UBE2E3: variants seen among roughly 807,000 people sequenced by gnomAD.
UBE2E3 encodes the protein ubiquitin-conjugating enzyme E2 E3.
In UBE2E3, 5 loss-of-function variants were observed where a neutral mutation model predicts 23.6. The ratio of observed to expected loss-of-function variants is 0.21; its 90% confidence interval spans 0.11 to 0.44. The LOEUF (loss-of-function observed/expected upper bound fraction) is 0.44, where lower values mean the gene tolerates loss of function less well. UBE2E3 is among the 20% of genes least tolerant of loss of function. The pLI is 0.99. For missense variants in UBE2E3, 81 were observed against 249.8 expected (o/e 0.32, Z 4.55); for synonymous variants, 78 against 87.5 (o/e 0.89, Z 0.60).
At chr2:180,990,663 T>C (rs1684628957) in intron 3 of UBE2E3, among the ~76,000 whole-genome samples, 1 of 152,238 alleles carries the variant, frequency 6.6e-6, no homozygotes, top group African/African-American at 2.4e-5. Context: ...TTTTAGGTCT[T>C]GTGCCAGTTA....
chr2:181,007,798 C>T (rs1488569270), intron 3 of UBE2E3, among the ~76,000 whole-genome samples: 1 of 152,170 alleles, frequency 6.6e-6, no homozygotes, highest in Non-Finnish European at 1.5e-5. Context: ...GGCTTGATAT[C>T]TGCCACATGT....
At chr2:181,029,596 GTTC>G (rs1176427493) in intron 3 of UBE2E3, among the ~76,000 whole-genome samples, 1 of 140,066 alleles carries the variant, frequency 7.1e-6, no homozygotes, top group Non-Finnish European at 1.6e-5. Flanking sequence ...TTGTATAAAT[GTTC>G]TTTTTAATTC....
At chr2:181,023,952 CCTTA>C (rs1685791239) in intron 3 of UBE2E3, among the ~76,000 whole-genome samples, 1 of 152,092 alleles carries the variant, frequency 6.6e-6, no homozygotes, top group Non-Finnish European at 1.5e-5. Context: ...TCTCCCTACT[CCTTA>C]CTGTCACAAG....
At chr2:181,016,973 A>G (rs1057109991) in intron 3 of UBE2E3, among the ~76,000 whole-genome samples, 54 of 152,318 alleles carry the variant, frequency 3.5e-4, no homozygotes, top group African/African-American at 1.3e-3. Flanking sequence ...TGTTCTAAGA[A>G]TTGTGCTTGA....
At chr2:181,034,491 C>T (rs1325032503) in intron 3 of UBE2E3, among the ~76,000 whole-genome samples, 1 of 152,116 alleles carries the variant, frequency 6.6e-6, no homozygotes, top group African/African-American at 2.4e-5. Context: ...AACACTTGGA[C>T]ACAGGAAGGG....
intron 3 of UBE2E3, among the ~76,000 whole-genome samples, chr2:181,021,630 T>TCCTCCCTCTCTCCCTCCC (rs1388065787): frequency 1.8e-5 from 1 of 55,256 alleles, no homozygotes; most frequent in Non-Finnish European, 3.5e-5. Flanking sequence ...CTCCCTCCCT[T>TCCTCCCTCTCTCCCTCCC]TTTTCCTTCC....
At chr2:181,008,493 C>G (rs1430356170) in intron 3 of UBE2E3, among the ~76,000 whole-genome samples, 1 of 152,206 alleles carries the variant, frequency 6.6e-6, no homozygotes, top group African/African-American at 2.4e-5. Flanking sequence ...GTCATAGATG[C>G]TTCGTATGTG....
chr2:181,034,069 A>C (rs981997271), intron 3 of UBE2E3, among the ~76,000 whole-genome samples: 10 of 152,184 alleles, frequency 6.6e-5, no homozygotes, highest in Non-Finnish European at 1.2e-4. Flanking sequence ...ACACTTTTAC[A>C]CTGTTGGTGG....
At chr2:180,984,974 T>C (rs925666695) in intron 3 of UBE2E3, among the ~76,000 whole-genome samples, 1 of 152,106 alleles carries the variant, frequency 6.6e-6, no homozygotes, top group Non-Finnish European at 1.5e-5. Context: ...TTAGGCAGTT[T>C]TATGGTTTGA....
In UBE2E3 at chr2:181,012,218, T is replaced by C. The variant is rs373920291; in HGVS notation, c.245+28125T>C. Among the ~76,000 whole-genome samples the C allele has an allele frequency of 1.6e-4, 25 of 152,310 alleles. No individual in the cohort carries two copies. The South Asian group carries it at 5.2e-3, about 32-fold the overall frequency. On this transcript the variant is annotated intron_variant, in intron 3 of 5. Transcript: ENST00000410062. ...CACTTACTACATTAACAACACTGAT[T>C]AGTTTCAGTAAATGTACATGTATAA...
At chr2:180,994,118 AT>A (rs1246620140) in intron 3 of UBE2E3, among the ~76,000 whole-genome samples, 1 of 152,136 alleles carries the variant, frequency 6.6e-6, no homozygotes, top group East Asian at 1.9e-4. Context: ...TCCTTGTAAA[AT>A]TTTAAAAGAC....
chr2:180,997,209 A>G (rs1684850231), intron 3 of UBE2E3, among the ~76,000 whole-genome samples: 1 of 149,884 alleles, frequency 6.7e-6, no homozygotes, highest in Non-Finnish European at 1.5e-5. Flanking sequence ...ATCTTTTTCT[A>G]CTTATTATCC....
chr2:181,038,864 C>T (rs1686383596), intron 3 of UBE2E3, among the ~76,000 whole-genome samples: 1 of 151,998 alleles, frequency 6.6e-6, no homozygotes, highest in Non-Finnish European at 1.5e-5. Flanking sequence ...AAATTAAAAC[C>T]ACGATGAAAT....
intron 3 of UBE2E3, among the ~76,000 whole-genome samples, chr2:180,989,374 A>T (rs1684584330): frequency 6.6e-6 from 1 of 152,160 alleles, no homozygotes; most frequent in African/African-American, 2.4e-5. Context: ...AAATAAATTG[A>T]AGTCTCTCAA....
intron 3 of UBE2E3, among the ~76,000 whole-genome samples, chr2:181,035,936 AG>A (rs111718501): frequency 0.23 from 35,304 of 152,084 alleles, 4,463 homozygotes; most frequent in Non-Finnish European, 0.28. Context: ...TGAACTCTAT[AG>A]GTATAAAGTA....
At chr2:180,980,440 C>G (rs2105555861), upstream of UBE2E3, 1 of 151,078 alleles carries the variant, frequency 6.6e-6, no homozygotes, top group East Asian at 2.0e-4. The surrounding 1 kb of genome is among the most constrained non-coding windows in gnomAD (Gnocchi z 5.5). Flanking sequence ...CGCGCGCGGG[C>G]GGACGCGTGC....
intron 3 of UBE2E3, among the ~76,000 whole-genome samples, chr2:180,998,122 C>G (rs918975351): frequency 1.3e-5 from 2 of 152,168 alleles, no homozygotes; most frequent in Non-Finnish European, 2.9e-5. Context: ...ACAACAGCAA[C>G]TGTGCTTGAC....
chr2:180,994,297 C>T (rs960965295), intron 3 of UBE2E3, among the ~76,000 whole-genome samples: 3 of 152,112 alleles, frequency 2.0e-5, no homozygotes, highest in Non-Finnish European at 4.4e-5. Flanking sequence ...CAAAAGTAAA[C>T]AGGCTGGTAT....
At chr2:181,037,336 T>C (rs1191615245) in intron 3 of UBE2E3, among the ~76,000 whole-genome samples, 1 of 152,168 alleles carries the variant, frequency 6.6e-6, no homozygotes, top group Non-Finnish European at 1.5e-5. Context: ...CAGGCAGTTC[T>C]TTCAGGAGGT....
Sources: gnomAD v4.1 joint callset for allele counts (sites outside exome capture counted in the v4.1 genomes callset) on GRCh38, gnomAD v4.1.1 for gene constraint, Gnocchi (gnomAD v3.1) non-coding constraint, MANE v1.5 for transcripts, NCBI Gene and HGNC (gene_info 2026-07-23, HGNC 2026-07-21) for gene names.